NEBL: variants seen among roughly 807,000 people sequenced by gnomAD.
NEBL encodes LIM and SH3 protein 2.
In NEBL, 122 loss-of-function variants were observed where a neutral mutation model predicts 140.2. The observed-to-expected ratio is 0.87, with a 90% confidence interval of 0.75 to 1.01. The LOEUF is 1.01. NEBL is among the 50% of genes least tolerant of loss of function. The probability of loss-of-function intolerance (pLI) is 0.00; values close to 1 mark genes in which losing one functional copy is unlikely to be tolerated. For missense variants in NEBL, 1,365 were observed against 1,231.3 expected (o/e 1.11, Z -1.62); for synonymous variants, 436 against 398.9 (o/e 1.09, Z -1.11).
chr10:20,929,312 T>G (rs543371863), intron 4 of NEBL, among the ~76,000 whole-genome samples: 45 of 152,138 alleles, frequency 3.0e-4, no homozygotes, highest in Admixed American at 9.8e-4. Flanking sequence ...TCAATAGACT[T>G]ATTCACAGCT....
At chr10:20,939,793 T>A (rs1834742597) in intron 4 of NEBL, among the ~76,000 whole-genome samples, 1 of 152,152 alleles carries the variant, frequency 6.6e-6, no homozygotes, top group Admixed American at 6.5e-5. Flanking sequence ...TCCTAGTCTC[T>A]GATAAAGCAG....
intron 2 of NEBL, among the ~76,000 whole-genome samples, chr10:21,130,821 T>C (rs1196861665): frequency 6.6e-6 from 1 of 151,730 alleles, no homozygotes; most frequent in Non-Finnish European, 1.5e-5. Context: ...ACTTTCCACT[T>C]TAAGAAACTG....
At chr10:21,102,750 T>A (rs567145951) in intron 2 of NEBL, among the ~76,000 whole-genome samples, 4 of 152,238 alleles carry the variant, frequency 2.6e-5, no homozygotes, top group Non-Finnish European at 5.9e-5. Flanking sequence ...TTTAGAGCTA[T>A]CAGAAATAAA....
At chr10:21,057,610 C>A (rs1020460245) in intron 2 of NEBL, among the ~76,000 whole-genome samples, 2 of 132,326 alleles carry the variant, frequency 1.5e-5, no homozygotes, top group African/African-American at 5.6e-5. Flanking sequence ...AGTGCAGTAG[C>A]GTGAACTTGG....
At chr10:20,823,480 G>A (rs951683758) in intron 18 of NEBL, among the ~76,000 whole-genome samples, 180 bp from the exon 19 acceptor site, 1 of 151,928 alleles carries the variant, frequency 6.6e-6, no homozygotes, top group Non-Finnish European at 1.5e-5. Context: ...TATTCCTAAG[G>A]TACAAATAAA....
chr10:21,173,994 G>A lies in NEBL; in HGVS notation c.-161C>T, dbSNP rs534548205. 8.8e-5 allele frequency: 107 copies of A among 1,216,330 alleles called. 1 individual carries two copies. In the South Asian group the frequency reaches 3.4e-3, roughly 39 times the overall value. 75.3% of individuals were successfully genotyped at this position (1,216,330 alleles called of 1,614,324 possible). On this transcript the variant is annotated 5_prime_UTR_variant, in exon 1 of 7. Coordinates refer to the NEBL transcript ENST00000417816. The surrounding 1 kb of genome is among the most constrained non-coding windows in gnomAD (Gnocchi z 5.7). ...CGCCGGGCCACGGGTGAGTGCACGG[G>A]GAGGGCGACGGGGCCTGGCGCCTGG...
intron 2 of NEBL, among the ~76,000 whole-genome samples, chr10:20,893,362 T>A (rs548585110): frequency 6.6e-6 from 1 of 152,266 alleles, no homozygotes; most frequent in East Asian, 1.9e-4. Flanking sequence ...TGAAAATATA[T>A]CTGAGAAAAT....
chr10:20,939,215 A>G (rs999856803), intron 4 of NEBL, among the ~76,000 whole-genome samples: 1 of 152,264 alleles, frequency 6.6e-6, no homozygotes, highest in Non-Finnish European at 1.5e-5. Flanking sequence ...AGGGATGCCC[A>G]TCAGACTAAC....
intron 13 of NEBL, among the ~76,000 whole-genome samples, chr10:20,838,228 T>C (rs1425501124): frequency 1.3e-5 from 2 of 152,204 alleles, no homozygotes; most frequent in Non-Finnish European, 2.9e-5. Flanking sequence ...ATTAAGAAGA[T>C]TAGTGATTCA....
chr10:20,919,456 G>A (rs1233747819), intron 4 of NEBL, among the ~76,000 whole-genome samples: 1 of 152,106 alleles, frequency 6.6e-6, no homozygotes, highest in Non-Finnish European at 1.5e-5. Flanking sequence ...GACTTTTAAA[G>A]TACTTTTAAT....
intron 7 of NEBL, among the ~76,000 whole-genome samples, chr10:20,860,130 G>A (rs920694466): frequency 6.6e-6 from 1 of 151,952 alleles, no homozygotes; most frequent in Non-Finnish European, 1.5e-5. Context: ...TATAATCTAT[G>A]ATCAGTTAGA....
At chr10:21,027,853 T>G (rs1420179963) in intron 2 of NEBL, among the ~76,000 whole-genome samples, 4 of 152,158 alleles carry the variant, frequency 2.6e-5, no homozygotes, top group African/African-American at 9.7e-5. Context: ...TAATTTTAAT[T>G]ATTCCTCCTA....
chr10:21,263,272 T>C (rs776313982), intron 1 of NEBL, among the ~76,000 whole-genome samples: 3 of 152,108 alleles, frequency 2.0e-5, no homozygotes, highest in Non-Finnish European at 4.4e-5. Flanking sequence ...GATAAGGAAT[T>C]GGGACAAGGA....
rs1846168077 is a variant in NEBL, at chr10:20,883,070, C to A, written c.370-2166G>T. Among the ~76,000 whole-genome samples the A allele has an allele frequency of 3.9e-5, 6 of 152,266 alleles. No individual in the cohort carries two copies. In the South Asian group the frequency reaches 1.2e-3, roughly 32 times the overall value. On this transcript the variant is annotated intron_variant, in intron 4 of 27. Transcript: ENST00000377122. ...GAACACCTTACATGCTCTCTTCAGC[C>A]CAAATCCGAATTTATCAATCTCTTT...
chr10:20,955,475 C>T (rs998647760), intron 4 of NEBL, among the ~76,000 whole-genome samples: 3 of 152,074 alleles, frequency 2.0e-5, no homozygotes, highest in Admixed American at 1.3e-4. Context: ...TGCAGAATGA[C>T]TCATGCAAAA....
chr10:20,929,279 T>A (rs1247862209), intron 4 of NEBL, among the ~76,000 whole-genome samples: 1 of 147,784 alleles, frequency 6.8e-6, no homozygotes, highest in Non-Finnish European at 1.5e-5. Context: ...ATATATATAT[T>A]CCTATCACTG....
At chr10:20,994,612 A>G (rs1837593428) in intron 3 of NEBL, among the ~76,000 whole-genome samples, 1 of 152,214 alleles carries the variant, frequency 6.6e-6, no homozygotes, top group Admixed American at 6.5e-5. Context: ...AAATCTGCAT[A>G]TAACATTTGG....
intron 3 of NEBL, among the ~76,000 whole-genome samples, chr10:21,194,984 G>T (rs1162364236): frequency 2.0e-5 from 3 of 152,038 alleles, no homozygotes; most frequent in Non-Finnish European, 4.4e-5. Flanking sequence ...TTCAAGAGGT[G>T]ATCAAAGCCA....
chr10:21,095,752 G>C (rs1401176167), intron 2 of NEBL, among the ~76,000 whole-genome samples: 3 of 152,196 alleles, frequency 2.0e-5, no homozygotes, highest in African/African-American at 7.2e-5. Flanking sequence ...TTGATGCAAT[G>C]AGATGTAATA....
Sources: allele counts gnomAD v4.1 joint callset (sites outside exome capture counted in the v4.1 genomes callset), GRCh38; gene constraint gnomAD v4.1.1; non-coding constraint Gnocchi (gnomAD v3.1); transcripts MANE v1.5; gene names NCBI Gene and HGNC (gene_info 2026-07-23, HGNC 2026-07-21).